The following HSPA1A variants were observed in gnomAD, a reference collection of about 807,000 sequenced individuals.
HSPA1A encodes heat shock 70 kDa protein 1A.
In HSPA1A, 5 loss-of-function variants were observed where a neutral mutation model predicts 8.8. The ratio of observed to expected loss-of-function variants is 0.57; its 90% CI spans 0.30 to 1.19. The LOEUF is 1.19. Ranked by LOEUF, HSPA1A falls within the 50% of genes most tolerant of loss-of-function variation. The pLI is 0.08. For missense variants in HSPA1A, 207 were observed against 430.7 expected, an observed-to-expected ratio of 0.48 and a Z score of 4.60; for synonymous variants, 112 against 188.4, an observed-to-expected ratio of 0.59 and a Z score of 3.32.
At position 31,815,812 on chromosome 6, in the gene HSPA1A, G is replaced by A; in HGVS notation, c.56G>A (p.Gly19Glu). The stretch of plus-strand genomic sequence containing the variant: ...CTGGGCACCACCTACTCCTGCGTGG[G>A]GGTGTTCCAACACGGCAAGGTGGAG... Reference protein sequence around the residue: ...IDLGTTYSCVGVFQHGKVEII... With the variant: ...IDLGTTYSCVEVFQHGKVEII... Residue 19 changes from glycine (G) to glutamate (E), a missense_variant, in exon 1 of 1, where the codon GGG becomes GAG. Coordinates refer to ENST00000375651, the MANE Select transcript of HSPA1A (RefSeq NM_005345.6). The A allele has an allele frequency of 6.2e-7, 1 of 1,611,580 alleles. No homozygotes were observed. The highest frequency in any genetic ancestry group is 8.5e-7 in the Non-Finnish European group (1 of 1,178,916).
rs1816046417 is a variant in HSPA1A at position 31,817,818 on chromosome 6, T to C, written c.*136T>C. On this transcript the variant is annotated 3_prime_UTR_variant, in exon 1 of 1. Transcript: ENST00000375651. ...GGTGAAGTACTGAACTTGCTTTTTT[T>C]CCGGTTTCTACATGCAGAGATGAAT... 1 of 1,460,940 alleles carries C rather than the reference T, an allele frequency of 6.8e-7. No individual in the cohort carries two copies. Among genetic ancestry groups the C allele is most frequent in the Non-Finnish European group, 9.0e-7 (1 of 1,106,742 alleles). 90.5% of individuals were successfully genotyped at this position (1,460,940 alleles called of 1,614,324 possible). A position where few individuals can be genotyped will look rare whatever the true frequency, so the allele number is the denominator to read the frequency against.
At position 31,815,646 on chromosome 6, in the gene HSPA1A, C is replaced by G; in HGVS notation, c.-111C>G. 6 of 1,611,600 alleles carry G rather than the reference C, an allele frequency of 3.7e-6. No individual in the cohort carries two copies. The highest frequency in any genetic ancestry group is 3.4e-6 in the Non-Finnish European group (4 of 1,179,316). On this transcript the variant is annotated 5_prime_UTR_variant, in exon 1 of 1. Transcript: ENST00000375651. Reference sequence around the variant, plus strand: ...AGCGAACCTGTGCGGCTGCAGGCACCGGCGCGTCGAGTTTCCGGCGTCCGG... The same window carrying G: ...AGCGAACCTGTGCGGCTGCAGGCACGGGCGCGTCGAGTTTCCGGCGTCCGG...
At position 31,815,886 on chromosome 6, in the gene HSPA1A, T is replaced by C; in HGVS notation, c.130T>C (p.Phe44Leu). The C allele has an allele frequency of 6.2e-7, 1 of 1,602,368 alleles. No individual in the cohort carries two copies. The highest frequency in any genetic ancestry group is 8.5e-7 in the Non-Finnish European group (1 of 1,176,190). ...GNRTTPSYVAFTDTERLIGDA... is the reference protein window; with the variant it reads ...GNRTTPSYVALTDTERLIGDA... ...CCGCACCACCCCCAGCTACGTGGCC[T>C]TCACGGACACCGAGCGGCTCATCGG... is the stretch of plus-strand genomic sequence containing the variant. The change falls in exon 1 of 1, where the codon TTC (phenylalanine) becomes CTC (leucine). Residue 44 changes from phenylalanine (F) to leucine (L), a missense_variant. This residue lies in a region of HSPA1A where 129 missense variants were observed against 173.1 expected (regional missense o/e 0.75). Coordinates refer to ENST00000375651, the MANE Select transcript of HSPA1A (RefSeq NM_005345.6).
rs1473531749 is a variant in HSPA1A, at chr6:31,817,657, G to A, written c.1901G>A (p.Gly634Asp). The change falls in exon 1 of 1, where the codon GGC (glycine) becomes GAC (aspartate). Residue 634 changes from glycine to aspartate, a missense_variant. This residue lies in a region of HSPA1A where 35 missense variants were observed against 82.3 expected (regional missense o/e 0.43). Coordinates refer to ENST00000375651, the MANE Select transcript of HSPA1A (RefSeq NM_005345.6). ...AQGPKGGSGSGPTIEEVD is the reference protein window; with the variant it reads ...AQGPKGGSGSDPTIEEVD The stretch of plus-strand genomic sequence containing the variant: ...GGTCCCAAGGGAGGGTCTGGGTCAG[G>A]CCCCACCATTGAGGAGGTAGATTAG... 1 of 1,612,826 alleles carries A rather than the reference G, an allele frequency of 6.2e-7. No individual in the cohort carries two copies. The highest frequency in any genetic ancestry group is 1.3e-5 in the African/African-American group (1 of 74,996).
chr6:31,817,339 A>AG lies in HSPA1A; in HGVS notation c.1585dup (p.Asp529GlyfsTer28), dbSNP rs753585612. Reference sequence around the variant, plus strand: ...CAGGAGGCGGAGAAGTACAAAGCGGAGGACGAGGTGCAGCGCGAGAGGGTG... The same window carrying AG: ...CAGGAGGCGGAGAAGTACAAAGCGGAGGGACGAGGTGCAGCGCGAGAGGGTG... On this transcript the variant is annotated frameshift_variant, in exon 1 of 1. Transcript: ENST00000375651. LOFTEE classifies it low-confidence loss of function (END_TRUNC). 1.3e-6 allele frequency: 2 copies of AG among 1,580,152 alleles called. No homozygotes were observed. The highest frequency in any genetic ancestry group is 1.7e-6 in the Non-Finnish European group (2 of 1,165,936).
At position 31,817,808 on chromosome 6, in the gene HSPA1A, T is replaced by C. The variant is rs1324021006; in HGVS notation, c.*126T>C. 6.8e-7 allele frequency: 1 copy of C among 1,470,432 alleles called. No individual in the cohort carries two copies. The highest frequency in any genetic ancestry group is 2.4e-5 in the East Asian group (1 of 41,760). 91.1% of individuals were successfully genotyped at this position (1,470,432 alleles called of 1,614,324 possible). On this transcript the variant is annotated 3_prime_UTR_variant, in exon 1 of 1. Coordinates refer to ENST00000375651, the MANE Select transcript of HSPA1A (RefSeq NM_005345.6). ...GAAATTTTTTGGTGAAGTACTGAACTTGCTTTTTTTCCGGTTTCTACATGC... is the reference window on the plus strand; with the variant it reads ...GAAATTTTTTGGTGAAGTACTGAACCTGCTTTTTTTCCGGTTTCTACATGC...
Position 31,815,771 on chromosome 6 carries a change from G to C in HSPA1A, c.15G>C (p.Ala5=), listed in dbSNP as rs1229115338. 1.2e-6 allele frequency: 2 copies of C among 1,613,746 alleles called. No homozygotes were observed. The highest frequency in any genetic ancestry group is 2.7e-5 in the African/African-American group (2 of 74,930). ...AGGGAACCGGCATGGCCAAAGCCGC[G>C]GCGATCGGCATCGACCTGGGCACCA... is the stretch of plus-strand genomic sequence containing the variant. MAKA[A]AIGIDLGTTY... is the part of the protein sequence containing the mutation. The change falls in exon 1 of 1, where the codon GCG becomes GCC. Residue 5 remains alanine (A), a synonymous_variant. Coordinates refer to ENST00000375651, the MANE Select transcript of HSPA1A (RefSeq NM_005345.6).
chr6:31,817,536 C>T lies in HSPA1A; in HGVS notation c.1780C>T (p.His594Tyr). 1 of 1,612,672 alleles carries T rather than the reference C, an allele frequency of 6.2e-7. No homozygotes were observed. ...NTLAEKDEFE[H>Y]KRKELEQVCN... Reference sequence around the variant, plus strand: ...CTTGGCCGAGAAGGACGAGTTTGAGCACAAGAGGAAGGAGCTGGAGCAGGT... The same window carrying T: ...CTTGGCCGAGAAGGACGAGTTTGAGTACAAGAGGAAGGAGCTGGAGCAGGT... The change falls in exon 1 of 1, where the codon CAC becomes TAC. Residue 594 changes from histidine (H) to tyrosine (Y), a missense_variant. Physicochemically the swap from His to Tyr is moderately conservative, Grantham distance 83. Coordinates refer to ENST00000375651, the MANE Select transcript of HSPA1A (RefSeq NM_005345.6).
At position 31,815,870 on chromosome 6, in the gene HSPA1A, C is replaced by T. The variant is rs769919328; in HGVS notation, c.114C>T (p.Thr38=). The T allele has an allele frequency of 3.1e-6, 5 of 1,607,150 alleles. No individual in the cohort carries two copies. In the South Asian group the frequency reaches 4.4e-5, roughly 14 times the overall value. The part of the protein sequence containing the change: ...IIANDQGNRT[T]PSYVAFTDTE... ...CCAACGACCAGGGCAACCGCACCACCCCCAGCTACGTGGCCTTCACGGACA... is the reference window on the plus strand; with the variant it reads ...CCAACGACCAGGGCAACCGCACCACTCCCAGCTACGTGGCCTTCACGGACA... The change falls in exon 1 of 1, where the codon ACC becomes ACT. Residue 38 remains threonine, a synonymous_variant. Coordinates refer to ENST00000375651, the MANE Select transcript of HSPA1A (RefSeq NM_005345.6).
chr6:31,817,470 G>C lies in HSPA1A; in HGVS notation c.1714G>C (p.Asp572His), dbSNP rs779947748. 3.1e-6 allele frequency: 5 copies of C among 1,612,762 alleles called. 1 individual carries two copies. ...CGAGGCGGACAAGAAGAAGGTGCTG[G>C]ACAAGTGTCAAGAGGTCATCTCGTG... ...ISEADKKKVLDKCQEVISWLD... is the reference protein window; with the variant it reads ...ISEADKKKVLHKCQEVISWLD... Residue 572 changes from aspartate (D) to histidine (H), a missense_variant, in exon 1 of 1, where the codon GAC becomes CAC. Physicochemically the swap from Asp to His is moderately conservative, Grantham distance 81 (BLOSUM62 -1). Around this residue, in one of 5 missense-constraint regions of HSPA1A, gnomAD observed 26 missense variants for 21.3 expected, o/e 1.22. Transcript: ENST00000375651.
rs1306780874 is a variant in HSPA1A at position 31,816,010 on chromosome 6, C to T, written c.254C>T (p.Ser85Leu). The T allele has an allele frequency of 1.9e-5, 24 of 1,234,818 alleles. No individual in the cohort carries two copies. Among genetic ancestry groups the T allele is most frequent in the Non-Finnish European group, 2.5e-5 (23 of 911,080 alleles). 76.5% of individuals were successfully genotyped at this position (1,234,818 alleles called of 1,614,324 possible). A position where few individuals can be genotyped will look rare whatever the true frequency, so the allele number is the denominator to read the frequency against. ...AAGTTCGGCGACCCGGTGGTGCAGT[C>T]GGACATGAAGCACTGGCCTTTCCAG... Reference protein sequence around the residue: ...GRKFGDPVVQSDMKHWPFQVI... With the variant: ...GRKFGDPVVQLDMKHWPFQVI... Residue 85 changes from serine to leucine, a missense_variant, in exon 1 of 1, where the codon TCG (serine) becomes TTG (leucine). Coordinates refer to ENST00000375651, the MANE Select transcript of HSPA1A (RefSeq NM_005345.6).
In HSPA1A at chr6:31,817,297, A is replaced by G; in HGVS notation, c.1541A>G (p.Glu514Gly). 2 of 1,514,108 alleles carry G rather than the reference A, an allele frequency of 1.3e-6. No homozygotes were observed. Among genetic ancestry groups the G allele is most frequent in the Non-Finnish European group, 1.8e-6 (2 of 1,125,100 alleles). The allele number at this position is 1,514,108 out of a possible 1,614,324, so 93.8% of individuals were successfully genotyped here. ...TNDKGRLSKEEIERMVQEAEK... is the reference protein window; with the variant it reads ...TNDKGRLSKEGIERMVQEAEK... ...GACAAGGGCCGCCTGAGCAAGGAGG[A>G]GATCGAGCGCATGGTGCAGGAGGCG... Residue 514 changes from glutamate (E) to glycine (G), a missense_variant, in exon 1 of 1, where the codon GAG (glutamate) becomes GGG (glycine). Coordinates refer to ENST00000375651, the MANE Select transcript of HSPA1A (RefSeq NM_005345.6).
Position 31,815,588 on chromosome 6 carries a change from G to A in HSPA1A, c.-169G>A, listed in dbSNP as rs1033862658. ...GCTGCGACAGTCCACTACCTTTTTCGAGAGTGACTCCCGTTGTCCCAAGGC... is the reference window on the plus strand; with the variant it reads ...GCTGCGACAGTCCACTACCTTTTTCAAGAGTGACTCCCGTTGTCCCAAGGC... On this transcript the variant is annotated 5_prime_UTR_variant, in exon 1 of 1. Coordinates refer to ENST00000375651, the MANE Select transcript of HSPA1A (RefSeq NM_005345.6). 42 of 1,509,296 alleles carry A rather than the reference G, an allele frequency of 2.8e-5. No homozygotes were observed. The highest frequency in any genetic ancestry group is 3.4e-5 in the Non-Finnish European group (38 of 1,107,334). 93.5% of individuals were successfully genotyped at this position (1,509,296 alleles called of 1,614,324 possible).
chr6:31,817,932 T>A lies in HSPA1A; in HGVS notation c.*250T>A. 7.1e-7 allele frequency: 1 copy of A among 1,412,954 alleles called. No homozygotes were observed. Among genetic ancestry groups the A allele is most frequent in the Non-Finnish European group, 9.2e-7 (1 of 1,083,304 alleles). 87.5% of individuals were successfully genotyped at this position (1,412,954 alleles called of 1,614,324 possible). A position where few individuals can be genotyped will look rare whatever the true frequency, so the allele number is the denominator to read the frequency against. On this transcript the variant is annotated 3_prime_UTR_variant, in exon 1 of 1. Transcript: ENST00000375651. ...TTGGTTACTTCAAAGTAAATAAACT[T>A]TAAAATTCAAGTGATGCCTTTTATT...
chr6:31,816,239 G>A lies in HSPA1A; in HGVS notation c.483G>A (p.Ala161=). The A allele has an allele frequency of 2.9e-6, 1 of 349,804 alleles. No individual in the cohort carries two copies. The highest frequency in any genetic ancestry group is 4.9e-6 in the Non-Finnish European group (1 of 206,154). 21.7% of individuals were successfully genotyped at this position (349,804 alleles called of 1,614,324 possible). A position where few individuals can be genotyped will look rare whatever the true frequency, so the allele number is the denominator to read the frequency against. The change falls in exon 1 of 1, where the codon GCG becomes GCA. Residue 161 remains alanine, a synonymous_variant. Coordinates refer to ENST00000375651, the MANE Select transcript of HSPA1A (RefSeq NM_005345.6). ...CGCAGCGCCAGGCCACCAAGGATGCGGGTGTGATCGCGGGGCTCAACGTGC... is the reference window on the plus strand; with the variant it reads ...CGCAGCGCCAGGCCACCAAGGATGCAGGTGTGATCGCGGGGCTCAACGTGC... The part of the protein sequence containing the change: ...NDSQRQATKD[A]GVIAGLNVLR...
Position 31,816,088 on chromosome 6 carries a change from C to T in HSPA1A, c.332C>T (p.Thr111Ile). The T allele has an allele frequency of 3.3e-6, 2 of 599,012 alleles. No homozygotes were observed. The highest frequency in any genetic ancestry group is 5.2e-6 in the Non-Finnish European group (2 of 384,190). The allele number at this position is 599,012 out of a possible 1,614,324, so 37.1% of individuals were successfully genotyped here. Residue 111 changes from threonine to isoleucine, a missense_variant, in exon 1 of 1, where the codon ACC becomes ATC. Thr to Ile is a moderately conservative substitution (Grantham distance 89, BLOSUM62 -1). Coordinates refer to ENST00000375651, the MANE Select transcript of HSPA1A (RefSeq NM_005345.6). ...GTGCAGGTGAGCTACAAGGGGGAGACCAAGGCATTCTACCCCGAGGAGATC... is the reference window on the plus strand; with the variant it reads ...GTGCAGGTGAGCTACAAGGGGGAGATCAAGGCATTCTACCCCGAGGAGATC... ...PKVQVSYKGETKAFYPEEISS... is the reference protein window; with the variant it reads ...PKVQVSYKGEIKAFYPEEISS...
Position 31,815,773 on chromosome 6 carries a change from C to T in HSPA1A, c.17C>T (p.Ala6Val), listed in dbSNP as rs912379394. The change falls in exon 1 of 1, where the codon GCG becomes GTG. Residue 6 changes from alanine (A) to valine (V), a missense_variant. Ala to Val is a moderately conservative substitution (Grantham distance 64). Around this residue, in one of 5 missense-constraint regions of HSPA1A, gnomAD observed 129 missense variants for 173.1 expected, o/e 0.75. Transcript: ENST00000375651. ...GGAACCGGCATGGCCAAAGCCGCGG[C>T]GATCGGCATCGACCTGGGCACCACC... MAKAA[A>V]IGIDLGTTYS... 5.0e-6 allele frequency: 8 copies of T among 1,613,662 alleles called. No individual in the cohort carries two copies. The highest frequency in any genetic ancestry group is 4.0e-5 in the African/African-American group (3 of 74,912).
At position 31,817,462 on chromosome 6, in the gene HSPA1A, A is replaced by G; in HGVS notation, c.1706A>G (p.Lys569Arg). The change falls in exon 1 of 1, where the codon AAG becomes AGG. Residue 569 changes from lysine to arginine, a missense_variant. Around this residue, in one of 5 missense-constraint regions of HSPA1A, gnomAD observed 26 missense variants for 21.3 expected, o/e 1.22. Coordinates refer to ENST00000375651, the MANE Select transcript of HSPA1A (RefSeq NM_005345.6). ...AAGATCAGCGAGGCGGACAAGAAGAAGGTGCTGGACAAGTGTCAAGAGGTC... is the reference window on the plus strand; with the variant it reads ...AAGATCAGCGAGGCGGACAAGAAGAGGGTGCTGGACAAGTGTCAAGAGGTC... ...KGKISEADKK[K>R]VLDKCQEVIS... is the part of the protein sequence containing the mutation. 6.2e-7 allele frequency: 1 copy of G among 1,612,682 alleles called. No individual in the cohort carries two copies. The highest frequency in any genetic ancestry group is 1.3e-5 in the African/African-American group (1 of 74,998).
In HSPA1A at chr6:31,817,547, G is replaced by C. The variant is rs750353273; in HGVS notation, c.1791G>C (p.Lys597Asn). 2.8e-5 allele frequency: 45 copies of C among 1,612,612 alleles called. No individual in the cohort carries two copies. In the South Asian group the frequency reaches 3.4e-4, roughly 12 times the overall value. ...AEKDEFEHKR[K>N]ELEQVCNPII... ...AGGACGAGTTTGAGCACAAGAGGAA[G>C]GAGCTGGAGCAGGTGTGTAACCCCA... is the stretch of plus-strand genomic sequence containing the variant. The change falls in exon 1 of 1, where the codon AAG becomes AAC. Residue 597 changes from lysine to asparagine, a missense_variant. Coordinates refer to ENST00000375651, the MANE Select transcript of HSPA1A (RefSeq NM_005345.6).
Sources: gnomAD v4.1 joint callset for allele counts on GRCh38, gnomAD v4.1.1 for gene constraint, gnomAD v4.1.1 regional missense constraint, MANE v1.5 for transcripts, NCBI Gene and HGNC (gene_info 2026-07-23, HGNC 2026-07-21) for gene names.